The following DAB1 variants were observed in gnomAD, a reference collection of about 807,000 sequenced individuals.
The protein encoded by DAB1 is disabled homolog 1.
DAB1 carries 15 observed loss-of-function variants against 64.6 expected under a neutral mutation model. That is an observed-to-expected ratio of 0.23 (90% CI 0.16 to 0.36). DAB1 has a LOEUF of 0.36. DAB1 is among the 10% of genes least tolerant of loss of function. The pLI, the probability that DAB1 is intolerant of heterozygous loss-of-function variation, is 1.00. For missense variants in DAB1, 596 were observed against 706.7 expected (o/e 0.84, Z 1.78); for synonymous variants, 235 against 251.9 (o/e 0.93, Z 0.64).
chr1:57,179,012 T>C (rs964418495), intron 2 of DAB1, among the ~76,000 whole-genome samples: 1 of 152,012 alleles, frequency 6.6e-6, no homozygotes, highest in South Asian at 2.1e-4. Context: ...AGAAGTAAAA[T>C]GTATTTATTT....
intron 3 of DAB1, among the ~76,000 whole-genome samples, chr1:58,485,228 T>TAAAAAAAAAAAAAAAA (rs71043289): frequency 2.1e-4 from 9 of 42,054 alleles, no homozygotes; most frequent in Non-Finnish European, 2.5e-4. Flanking sequence ...AGTCTACTAC[T>TAAAAAAAAAAAAAAAA]AAAAAAAAAA....
intron 11 of DAB1, among the ~76,000 whole-genome samples, chr1:57,019,964 A>T (rs975992282): frequency 6.6e-6 from 1 of 152,218 alleles, no homozygotes; most frequent in African/African-American, 2.4e-5. Flanking sequence ...AAACGAAGGA[A>T]CTCCTCCAAC....
intron 1 of DAB1, among the ~76,000 whole-genome samples, chr1:57,868,673 G>A (rs1654407201): frequency 6.6e-6 from 1 of 152,096 alleles, no homozygotes; most frequent in Admixed American, 6.5e-5. Flanking sequence ...TGAGTTCCTT[G>A]AGGATGTGGA....
At chr1:58,156,428 C>A (rs1196363034) in intron 4 of DAB1, among the ~76,000 whole-genome samples, 1 of 152,194 alleles carries the variant, frequency 6.6e-6, no homozygotes, top group Non-Finnish European at 1.5e-5. Flanking sequence ...AAGCCCTTAA[C>A]TTTTTCCTCC....
chr1:58,379,509 G>A (rs1164425466), intron 3 of DAB1, among the ~76,000 whole-genome samples: 1 of 152,166 alleles, frequency 6.6e-6, no homozygotes, highest in East Asian at 1.9e-4. Context: ...TAAGATAACA[G>A]GTTGAACAAA....
chr1:57,442,097 G>A (rs1028263412), intron 7 of DAB1, among the ~76,000 whole-genome samples: 3 of 152,162 alleles, frequency 2.0e-5, no homozygotes, highest in Non-Finnish European at 2.9e-5. Flanking sequence ...TTCTGACACT[G>A]TGAAGGTGTG....
intron 5 of DAB1, among the ~76,000 whole-genome samples, chr1:57,890,522 C>T (rs1013727878): frequency 4.1e-5 from 6 of 146,290 alleles, no homozygotes; most frequent in African/African-American, 1.5e-4. Flanking sequence ...GTGGCACAAT[C>T]TTGGCTCACT....
chr1:58,229,330 G>A (rs1659666852), intron 4 of DAB1, among the ~76,000 whole-genome samples: 1 of 152,106 alleles, frequency 6.6e-6, no homozygotes, highest in African/African-American at 2.4e-5. Context: ...CGTGCATTTT[G>A]AAAAATAGGT....
At chr1:58,081,133 C>T (rs1649968780) in intron 5 of DAB1, among the ~76,000 whole-genome samples, 1 of 152,182 alleles carries the variant, frequency 6.6e-6, no homozygotes, top group African/African-American at 2.4e-5. Flanking sequence ...ATTAAGACAG[C>T]AGTATGGAAC....
chr1:57,109,518 G>C (rs1655468012), intron 4 of DAB1, among the ~76,000 whole-genome samples: 1 of 152,168 alleles, frequency 6.6e-6, no homozygotes, highest in Admixed American at 6.5e-5. Flanking sequence ...AAAAAAATAA[G>C]AGAAGCAGCT....
At chr1:58,519,316 T>C (rs1434999209) in intron 2 of DAB1, among the ~76,000 whole-genome samples, 1 of 152,204 alleles carries the variant, frequency 6.6e-6, no homozygotes, top group Non-Finnish European at 1.5e-5. Context: ...ATGAAATGTA[T>C]AGTAATCACA....
chr1:57,305,986 G>A (rs200827536), intron 1 of DAB1, among the ~76,000 whole-genome samples: 12,585 of 133,462 alleles, frequency 0.094, 711 homozygotes, highest in African/African-American at 0.22. Context: ...AAAAAAAAAA[G>A]AAAAAAGAAA....
intron 9 of DAB1, among the ~76,000 whole-genome samples, chr1:57,048,636 C>T (rs1318066251): frequency 6.6e-6 from 1 of 152,212 alleles, no homozygotes; most frequent in Non-Finnish European, 1.5e-5. Context: ...CTCTTTCCTT[C>T]TAGAACTTTC....
chr1:58,517,990 C>A (rs563333213), intron 2 of DAB1, among the ~76,000 whole-genome samples: 1 of 151,418 alleles, frequency 6.6e-6, no homozygotes, highest in South Asian at 2.1e-4. Context: ...AGTTCGAGAC[C>A]AGCCTGCCCA....
chr1:57,422,630 C>T (rs1265879449), intron 1 of DAB1, among the ~76,000 whole-genome samples: 1 of 152,156 alleles, frequency 6.6e-6, no homozygotes, highest in Non-Finnish European at 1.5e-5. Context: ...CCCCCGGCCT[C>T]CCCACCCCCA....
At chr1:57,071,952 T>C (rs1651506565) in intron 5 of DAB1, among the ~76,000 whole-genome samples, 1 of 152,052 alleles carries the variant, frequency 6.6e-6, no homozygotes, top group Admixed American at 6.6e-5. Flanking sequence ...TGTTTTCTCT[T>C]ATTTTCTTTT....
chr1:58,344,003 G>T (rs2100507954), intron 3 of DAB1, among the ~76,000 whole-genome samples: 1 of 152,274 alleles, frequency 6.6e-6, no homozygotes, highest in East Asian at 1.9e-4. Flanking sequence ...ACTCAACAAT[G>T]TCTCCTTAAT....
At chr1:57,666,250 T>C (rs949669215) in intron 6 of DAB1, among the ~76,000 whole-genome samples, 2 of 152,132 alleles carry the variant, frequency 1.3e-5, no homozygotes, top group Non-Finnish European at 2.9e-5. Context: ...AATGTGTGCT[T>C]AGGGAAAAAA....
chr1:57,147,580 G>A (rs1451506653), intron 2 of DAB1, among the ~76,000 whole-genome samples: 3 of 152,180 alleles, frequency 2.0e-5, no homozygotes, highest in Admixed American at 1.3e-4. Flanking sequence ...CTGTAAGAGC[G>A]AATGTCAGAG....
Sources: allele counts gnomAD v4.1 joint callset (sites outside exome capture counted in the v4.1 genomes callset), GRCh38; gene constraint gnomAD v4.1.1; transcripts MANE v1.5; gene names NCBI Gene and HGNC (gene_info 2026-07-23, HGNC 2026-07-21).